TMEM132B: variants seen among roughly 807,000 people sequenced by gnomAD.
TMEM132B encodes the protein transmembrane protein 132B.
Under a neutral mutation model 90.8 loss-of-function variants are expected in TMEM132B, and 18 were observed. That is an observed-to-expected ratio of 0.20 (90% confidence interval 0.14 to 0.29). TMEM132B has a LOEUF of 0.29. Ranked by LOEUF, TMEM132B falls within the 10% of genes least tolerant of loss-of-function variation. The pLI, the probability that TMEM132B is intolerant of heterozygous loss-of-function variation, is 1.00. For synonymous variants in TMEM132B, 504 were observed against 523.3 expected, an observed-to-expected ratio of 0.96 and a Z score of 0.50; for missense variants, 1,096 against 1,326.8, an observed-to-expected ratio of 0.83 and a Z score of 2.70.
At chr12:125,358,195 A>G (rs1877847932) in intron 2 of TMEM132B, among the ~76,000 whole-genome samples, 1 of 152,146 alleles carries the variant, frequency 6.6e-6, no homozygotes, top group African/African-American at 2.4e-5. Flanking sequence ...ACACAATTGA[A>G]ACCCATGCTA....
In TMEM132B at chr12:125,492,676, G is replaced by A. The variant is rs1009768580; in HGVS notation, c.1107-26763G>A. ...AGGGGCAGGAAGGCAGTGGTGGCCC[G>A]GCCTGTGCTCTGTCCCTGGGCTCAG... On this transcript the variant is annotated intron_variant, in intron 3 of 8. Transcript: ENST00000682704. The surrounding 1 kb of genome is among the most constrained non-coding windows in gnomAD (Gnocchi z 5.8). 5.3e-5 allele frequency among the ~76,000 whole-genome samples: 8 copies of A among 152,108 alleles called. No individual in the cohort carries two copies. The highest frequency in any genetic ancestry group is 3.9e-4 in the East Asian group (2 of 5,168).
At chr12:125,308,916 T>G in intron 1 of TMEM132B, among the ~76,000 whole-genome samples, 1 of 152,236 alleles carries the variant, frequency 6.6e-6, no homozygotes, top group East Asian at 1.9e-4. Flanking sequence ...AATATATTAT[T>G]CTTGTGCATT....
At chr12:125,650,643 C>T (rs1886881002) in intron 6 of TMEM132B, 40 bp from the exon 7 acceptor site, 1 of 1,589,970 alleles carries the variant, frequency 6.3e-7, no homozygotes, top group African/African-American at 1.3e-5. Flanking sequence ...AACTTCTTAA[C>T]AATGAAGACT....
chr12:125,518,054 A>G (rs1352820035), intron 3 of TMEM132B, among the ~76,000 whole-genome samples: 1 of 152,206 alleles, frequency 6.6e-6, no homozygotes, highest in East Asian at 1.9e-4. Context: ...TTGGCTAAAT[A>G]GGAAAAAGGT....
chr12:125,354,828 T>C (rs1004579755), intron 2 of TMEM132B, among the ~76,000 whole-genome samples: 1 of 152,218 alleles, frequency 6.6e-6, no homozygotes, highest in African/African-American at 2.4e-5. Flanking sequence ...TTCATACTTT[T>C]AAATTATCAT....
chr12:125,430,538 G>A (rs563385056), intron 3 of TMEM132B, among the ~76,000 whole-genome samples: 1 of 152,168 alleles, frequency 6.6e-6, no homozygotes, highest in Non-Finnish European at 1.5e-5. Context: ...ATCTGCAAAG[G>A]CTCCCAGGGA....
At chr12:125,387,650 G>A (rs1444677201) in intron 2 of TMEM132B, among the ~76,000 whole-genome samples, 1 of 152,226 alleles carries the variant, frequency 6.6e-6, no homozygotes, top group Non-Finnish European at 1.5e-5. Flanking sequence ...CTTGTTGGTA[G>A]TCATTTATTG....
At chr12:125,359,717 A>T (rs1877900344) in intron 2 of TMEM132B, among the ~76,000 whole-genome samples, 1 of 152,382 alleles carries the variant, frequency 6.6e-6, no homozygotes, top group South Asian at 2.1e-4. Flanking sequence ...GGTCATTTCT[A>T]CTTGCCAGCA....
At chr12:125,598,843 T>C (rs1885506710) in intron 5 of TMEM132B, among the ~76,000 whole-genome samples, 1 of 151,946 alleles carries the variant, frequency 6.6e-6, no homozygotes, top group Admixed American at 6.6e-5. Context: ...ATAGAGGGGG[T>C]GTGCTGGTTC....
At position 125,659,989 on chromosome 12, in the gene TMEM132B, C is replaced by T. The variant is rs1887167726; in HGVS notation, c.*5279C>T. ...AACATGGGAGCACTGACACAGAACTCAACTGGTCCAGCCCTTTGGGAGGCC... is the reference window on the plus strand; with the variant it reads ...AACATGGGAGCACTGACACAGAACTTAACTGGTCCAGCCCTTTGGGAGGCC... On this transcript the variant is annotated 3_prime_UTR_variant, in exon 9 of 9. Coordinates refer to ENST00000682704, the MANE Select transcript of TMEM132B (RefSeq NM_001366854.1). The T allele has an allele frequency of 1.3e-5, 2 of 152,416 alleles. No homozygotes were observed. The allele number at this position is 152,416 out of a possible 1,614,324, so 9.4% of individuals were successfully genotyped here.
intron 1 of TMEM132B, among the ~76,000 whole-genome samples, chr12:125,305,614 G>A (rs999680712): frequency 1.8e-4 from 27 of 152,174 alleles, no homozygotes; most frequent in Admixed American, 2.6e-4. Flanking sequence ...ATGTCATTGC[G>A]TTTTATAGAT....
intron 2 of TMEM132B, among the ~76,000 whole-genome samples, chr12:125,412,346 A>T (rs897036493): frequency 1.3e-4 from 20 of 152,216 alleles, no homozygotes; most frequent in Admixed American, 2.0e-4. Context: ...CCTGGCAATG[A>T]GGGCTCAATT....
intron 3 of TMEM132B, among the ~76,000 whole-genome samples, chr12:125,465,565 AG>A (rs1208258176): frequency 6.6e-6 from 1 of 152,226 alleles, no homozygotes; most frequent in Non-Finnish European, 1.5e-5. Context: ...ACATTATTGC[AG>A]GCAAGCCTGG....
intron 1 of TMEM132B, among the ~76,000 whole-genome samples, chr12:125,249,152 T>G (rs965800263): frequency 6.6e-6 from 1 of 152,162 alleles, no homozygotes; most frequent in Non-Finnish European, 1.5e-5. Context: ...GAAACAATCT[T>G]TCAGACAAGT....
At chr12:125,336,241 C>T (rs540376454) in intron 1 of TMEM132B, among the ~76,000 whole-genome samples, 2 of 152,324 alleles carry the variant, frequency 1.3e-5, no homozygotes, top group East Asian at 3.9e-4. Flanking sequence ...TGCACTTGGA[C>T]AGCATGTGGC....
rs552998513 is a variant in TMEM132B, at chr12:125,444,724, T to A, written c.1106+29047T>A. On this transcript the variant is annotated intron_variant, in intron 3 of 8. Coordinates refer to ENST00000682704, the MANE Select transcript of TMEM132B (RefSeq NM_001366854.1). ...CCTCAGTTATGCAATCAAACACTAATCTAGGTGTTGCAATGAGGAATATTG... is the reference window on the plus strand; with the variant it reads ...CCTCAGTTATGCAATCAAACACTAAACTAGGTGTTGCAATGAGGAATATTG... Among the ~76,000 whole-genome samples the A allele has an allele frequency of 2.6e-5, 4 of 152,312 alleles. No individual in the cohort carries two copies. The South Asian group carries it at 8.3e-4, about 32-fold the overall frequency.
intron 1 of TMEM132B, among the ~76,000 whole-genome samples, chr12:125,245,262 C>A (rs897175089): frequency 1.4e-5 from 2 of 144,990 alleles, no homozygotes; most frequent in East Asian, 2.1e-4. Flanking sequence ...TCCCAGATGC[C>A]CCCCCAGGCA....
At chr12:125,411,142 GT>G (rs1195573709) in intron 2 of TMEM132B, among the ~76,000 whole-genome samples, 1 of 29,592 alleles carries the variant, frequency 3.4e-5, no homozygotes, top group Admixed American at 2.8e-4. Flanking sequence ...GTGGAGTGGA[GT>G]GAGTGGAGTG....
rs111798584 is a variant in TMEM132B, at chr12:125,299,962, G to A, written c.68-49490G>A. ...TGGCTTCCTTCCTCACTCAGAGCAA[G>A]AACCCCAAGTCCTGCTCATGGCCTG... On this transcript the variant is annotated intron_variant, in intron 1 of 8. Transcript: ENST00000682704. Among the ~76,000 whole-genome samples, 256 of 152,356 alleles carry A rather than the reference G, an allele frequency of 1.7e-3. 1 individual carries two copies. The highest frequency in any genetic ancestry group is 5.7e-3 in the African/African-American group (237 of 41,586).
Sources: allele counts gnomAD v4.1 joint callset (sites outside exome capture counted in the v4.1 genomes callset), GRCh38; gene constraint gnomAD v4.1.1; non-coding constraint Gnocchi (gnomAD v3.1); transcripts MANE v1.5; gene names NCBI Gene and HGNC (gene_info 2026-07-23, HGNC 2026-07-21).